PCLO: variants seen among roughly 807,000 people sequenced by gnomAD.
PCLO encodes protein piccolo.
PCLO carries 82 observed loss-of-function variants against 427.5 expected under a neutral mutation model. The observed-to-expected ratio is 0.19, with a 90% CI of 0.16 to 0.23. The LOEUF is 0.23. PCLO is among the 10% of genes least tolerant of loss of function. PCLO has a pLI of 1.00. For synonymous variants in PCLO, 2,357 were observed against 2,155.4 expected, an observed-to-expected ratio of 1.09 and a Z score of -2.59; for missense variants, 6,239 against 6,115.9, an observed-to-expected ratio of 1.02 and a Z score of -0.67.
rs532509471 is a variant in PCLO at position 82,833,034 on chromosome 7, A to G, written c.14249+2633T>C. 5.1e-4 allele frequency among the ~76,000 whole-genome samples: 77 copies of G among 152,262 alleles called. 1 individual carries two copies. Among genetic ancestry groups the G allele is most frequent in the Non-Finnish European group, 9.0e-4 (61 of 68,000 alleles). ...CAATTGTAACCCCTGCACCTGGCACAGTGTCTGACACATAGTCTGTGCTAA... is the reference window on the plus strand; with the variant it reads ...CAATTGTAACCCCTGCACCTGGCACGGTGTCTGACACATAGTCTGTGCTAA... On this transcript the variant is annotated intron_variant, in intron 16 of 24. Coordinates refer to ENST00000333891, the MANE Select transcript of PCLO (RefSeq NM_033026.6).
At chr7:82,813,994 T>C (rs944957820) in intron 20 of PCLO, among the ~76,000 whole-genome samples, 4 of 151,798 alleles carry the variant, frequency 2.6e-5, no homozygotes, top group African/African-American at 9.7e-5. Context: ...GAAGATGAAA[T>C]TAATTGATAA....
At chr7:82,941,443 G>A (rs1339319211) in intron 6 of PCLO, among the ~76,000 whole-genome samples, 1 of 152,082 alleles carries the variant, frequency 6.6e-6, no homozygotes, top group Non-Finnish European at 1.5e-5. Context: ...GTTAATACTG[G>A]GGTCTTATTT....
At chr7:82,998,830 G>C (rs2115894440) in intron 3 of PCLO, among the ~76,000 whole-genome samples, 1 of 151,780 alleles carries the variant, frequency 6.6e-6, no homozygotes, top group Admixed American at 6.6e-5. Context: ...AGTTTGAAAA[G>C]ACAGAGCAAG....
chr7:83,050,208 GAAAAA>G (rs556193471), intron 3 of PCLO, among the ~76,000 whole-genome samples: 403 of 5,402 alleles, frequency 0.075, no homozygotes, highest in Admixed American at 0.15. Context: ...CTGAAAAACT[GAAAAA>G]AAAAAAAAAA....
At chr7:82,906,032 T>C (rs959637300) in intron 8 of PCLO, among the ~76,000 whole-genome samples, 1 of 151,526 alleles carries the variant, frequency 6.6e-6, no homozygotes, top group African/African-American at 2.4e-5. Context: ...GATAGATAGA[T>C]AGATAGATAG....
At chr7:82,761,312 C>A in intron 23 of PCLO, 47 bp downstream of exon 23, 1 of 1,115,692 alleles carries the variant, frequency 9.0e-7, no homozygotes, top group Middle Eastern at 2.9e-4. Flanking sequence ...TAAGACACAT[C>A]CCTAAAAAAA....
intron 22 of PCLO, among the ~76,000 whole-genome samples, chr7:82,780,609 G>A (rs1055417904): frequency 1.3e-5 from 2 of 152,140 alleles, no homozygotes; most frequent in Non-Finnish European, 2.9e-5. Flanking sequence ...GTGCGGTGGC[G>A]CGATCTCCGC....
At chr7:82,846,286 A>T (rs1792499993) in intron 12 of PCLO, among the ~76,000 whole-genome samples, 1 of 152,168 alleles carries the variant, frequency 6.6e-6, no homozygotes, top group South Asian at 2.1e-4. Context: ...TTCATATTTA[A>T]AGAATTAAAA....
intron 9 of PCLO, among the ~76,000 whole-genome samples, chr7:82,884,550 T>C (rs1237917683): frequency 6.6e-6 from 1 of 152,232 alleles, no homozygotes; most frequent in African/African-American, 2.4e-5. Flanking sequence ...TTCTTCATTT[T>C]AGCTTATATA....
chr7:82,817,451 G>A (rs1791700189), intron 20 of PCLO, among the ~76,000 whole-genome samples: 1 of 152,016 alleles, frequency 6.6e-6, no homozygotes, highest in African/African-American at 2.4e-5. Context: ...TCTGCTTCTG[G>A]TCAAAAGAAA....
chr7:83,060,036 C>A (rs1789505582), intron 3 of PCLO, among the ~76,000 whole-genome samples: 2 of 152,120 alleles, frequency 1.3e-5, no homozygotes, highest in African/African-American at 4.8e-5. Flanking sequence ...AATTATGTTT[C>A]CTATGGCAAG....
intron 1 of PCLO, 47 bp from the exon 2 acceptor site, chr7:83,156,439 AATT>A: frequency 1.7e-6 from 2 of 1,153,508 alleles, no homozygotes; most frequent in Non-Finnish European, 2.4e-6. Context: ...AAATAATGGA[AATT>A]ATTTCAAATC....
intron 16 of PCLO, among the ~76,000 whole-genome samples, chr7:82,828,832 T>C (rs1792016946): frequency 6.6e-6 from 1 of 152,140 alleles, no homozygotes; most frequent in African/African-American, 2.4e-5. Context: ...TTTTTCTGAA[T>C]TTTCTGCCCA....
chr7:83,037,991 A>T (rs1375305767), intron 3 of PCLO, among the ~76,000 whole-genome samples: 11 of 15,648 alleles, frequency 7.0e-4, no homozygotes, highest in African/African-American at 4.9e-3. Flanking sequence ...GGAGGAGCTT[A>T]TATATATATA....
intron 3 of PCLO, among the ~76,000 whole-genome samples, chr7:83,040,295 C>T (rs1442339235): frequency 2.0e-5 from 3 of 152,016 alleles, no homozygotes; most frequent in African/African-American, 7.2e-5. Flanking sequence ...AATGTGAAAC[C>T]TCAGATGTTG....
At chr7:83,149,047 A>G (rs932784090) in intron 2 of PCLO, among the ~76,000 whole-genome samples, 1 of 152,030 alleles carries the variant, frequency 6.6e-6, no homozygotes, top group Non-Finnish European at 1.5e-5. Flanking sequence ...CTCCACTTCT[A>G]TTCTTCTTTT....
chr7:82,841,129 A>T (rs2115778598), intron 14 of PCLO, among the ~76,000 whole-genome samples: 1 of 152,018 alleles, frequency 6.6e-6, no homozygotes, highest in South Asian at 2.1e-4. Context: ...GACTCATGAA[A>T]CTCTTAAAGA....
At chr7:83,073,368 T>C (rs960922067) in intron 3 of PCLO, among the ~76,000 whole-genome samples, 25 of 152,158 alleles carry the variant, frequency 1.6e-4, no homozygotes, top group African/African-American at 5.8e-4. Context: ...TTGAGTACAT[T>C]CAATGTACCA....
chr7:82,917,379 T>C (rs1339918577), intron 6 of PCLO, among the ~76,000 whole-genome samples: 1 of 152,116 alleles, frequency 6.6e-6, no homozygotes, highest in Non-Finnish European at 1.5e-5. Flanking sequence ...TTTTCATGAC[T>C]ATTTGGTTTT....
Sources: allele counts gnomAD v4.1 joint callset (sites outside exome capture counted in the v4.1 genomes callset), GRCh38; gene constraint gnomAD v4.1.1; transcripts MANE v1.5; gene names NCBI Gene and HGNC (gene_info 2026-07-23, HGNC 2026-07-21).